The following GAB2 variants were observed in gnomAD, a reference collection of about 807,000 sequenced individuals.
The protein encoded by GAB2 is GRB2-associated-binding protein 2.
Under a neutral mutation model 65.5 loss-of-function variants are expected in GAB2, and 26 were observed. The observed-to-expected ratio is 0.40, with a 90% CI of 0.29 to 0.55. The LOEUF is 0.55. GAB2 is among the 20% of genes least tolerant of loss of function. The pLI is 0.53. For missense variants in GAB2, 884 were observed against 875.8 expected, an observed-to-expected ratio of 1.01 and a Z score of -0.12; for synonymous variants, 321 against 329.6, an observed-to-expected ratio of 0.97 and a Z score of 0.28.
At chr11:78,402,194 G>A (rs979597703) in intron 1 of GAB2, among the ~76,000 whole-genome samples, 3 of 152,122 alleles carry the variant, frequency 2.0e-5, no homozygotes, top group Admixed American at 6.5e-5. Flanking sequence ...CACTGTGTAT[G>A]TCCTTGCCAC....
intron 3 of GAB2, among the ~76,000 whole-genome samples, chr11:78,244,285 A>C (rs114538070): frequency 0.011 from 1,706 of 152,162 alleles, 30 homozygotes; most frequent in African/African-American, 0.032. Flanking sequence ...CCAGCTGCTC[A>C]AAAGGCTAAG....
intron 1 of GAB2, 40 bp downstream of exon 1, chr11:78,417,606 C>T: frequency 1.7e-6 from 2 of 1,164,952 alleles, no homozygotes; most frequent in Non-Finnish European, 1.1e-6. Context: ...GGCCCCGGAG[C>T]GCCCCCCGCC....
intron 1 of GAB2, among the ~76,000 whole-genome samples, chr11:78,333,439 C>T (rs1340679172): frequency 2.0e-5 from 3 of 152,006 alleles, no homozygotes; most frequent in Non-Finnish European, 4.4e-5. Flanking sequence ...AATTTTTAAA[C>T]AATTTTTATA....
intron 3 of GAB2, among the ~76,000 whole-genome samples, chr11:78,232,832 G>T (rs773977491): frequency 5.9e-5 from 9 of 152,136 alleles, no homozygotes; most frequent in Non-Finnish European, 1.3e-4. Flanking sequence ...GAGGCAGGAT[G>T]AATGGGCTGA....
intron 1 of GAB2, among the ~76,000 whole-genome samples, chr11:78,360,439 A>T (rs1329063824): frequency 6.6e-6 from 1 of 152,020 alleles, no homozygotes; most frequent in Non-Finnish European, 1.5e-5. Context: ...GAAAAAAGAA[A>T]CTAATACAGA....
chr11:78,243,085 C>T (rs1007096555), intron 3 of GAB2, among the ~76,000 whole-genome samples: 2 of 151,652 alleles, frequency 1.3e-5, no homozygotes, highest in African/African-American at 4.9e-5. Flanking sequence ...TCGCTGGAAC[C>T]TGGGAGGCGG....
At chr11:78,223,242 G>A (rs184009297) in intron 6 of GAB2, among the ~76,000 whole-genome samples, 170 bp downstream of exon 6, 5 of 152,236 alleles carry the variant, frequency 3.3e-5, no homozygotes, top group African/African-American at 1.2e-4. Flanking sequence ...GCAAACCTGG[G>A]AGGTAGGAAT....
chr11:78,286,172 A>G (rs1362983249), intron 1 of GAB2, among the ~76,000 whole-genome samples: 1 of 152,228 alleles, frequency 6.6e-6, no homozygotes, highest in Admixed American at 6.5e-5. Flanking sequence ...CAGGAGCACT[A>G]AAAATTACCT....
intron 2 of GAB2, among the ~76,000 whole-genome samples, chr11:78,265,606 A>G (rs2134553925): frequency 6.6e-6 from 1 of 152,250 alleles, no homozygotes; most frequent in South Asian, 2.1e-4. Flanking sequence ...CAAATGGTAG[A>G]TGTGTAAAAT....
At chr11:78,377,715 T>C (rs928186272) in intron 1 of GAB2, among the ~76,000 whole-genome samples, 5 of 152,190 alleles carry the variant, frequency 3.3e-5, no homozygotes, top group African/African-American at 9.6e-5. Flanking sequence ...CGCACAGTAT[T>C]GTAGCAAAGA....
intron 2 of GAB2, among the ~76,000 whole-genome samples, chr11:78,270,955 G>C (rs555108600): frequency 2.1e-4 from 32 of 152,246 alleles, no homozygotes; most frequent in Admixed American, 2.1e-3. Context: ...TGAGACTCAA[G>C]TGCAGCTAGC....
At chr11:78,278,467 G>A (rs2134581075) in intron 2 of GAB2, among the ~76,000 whole-genome samples, 1 of 149,408 alleles carries the variant, frequency 6.7e-6, no homozygotes, top group Non-Finnish European at 1.5e-5. Context: ...TGCAACCTCT[G>A]CCTCCTGAGT....
intron 1 of GAB2, among the ~76,000 whole-genome samples, chr11:78,313,831 C>A (rs1855547502): frequency 6.6e-6 from 1 of 152,162 alleles, no homozygotes; most frequent in Non-Finnish European, 1.5e-5. Context: ...TGCCCTGGGG[C>A]CTCTACAAAT....
At chr11:78,351,639 T>C (rs1449367252) in intron 1 of GAB2, among the ~76,000 whole-genome samples, 2 of 152,132 alleles carry the variant, frequency 1.3e-5, no homozygotes, top group Admixed American at 6.5e-5. Flanking sequence ...TAGTCTCACA[T>C]TGTACATTTT....
chr11:78,410,458 C>T (rs959087943), intron 1 of GAB2, among the ~76,000 whole-genome samples: 3 of 152,160 alleles, frequency 2.0e-5, no homozygotes, highest in Non-Finnish European at 2.9e-5. Flanking sequence ...GAGCTGAGAT[C>T]GTGCCATTGC....
At chr11:78,252,782 G>A (rs940383984) in intron 2 of GAB2, among the ~76,000 whole-genome samples, 4 of 151,938 alleles carry the variant, frequency 2.6e-5, no homozygotes, top group Non-Finnish European at 2.9e-5. Context: ...CCCTTCAGAC[G>A]TCCCACTAGT....
At chr11:78,222,259 A>G in intron 6 of GAB2, 64 bp from the exon 7 acceptor site, 2 of 998,316 alleles carry the variant, frequency 2.0e-6, no homozygotes, top group Non-Finnish European at 3.2e-6. Flanking sequence ...TACACACCTT[A>G]TATATAACAC....
At chr11:78,325,071 G>A (rs138539703) in intron 1 of GAB2, among the ~76,000 whole-genome samples, 10 of 152,284 alleles carry the variant, frequency 6.6e-5, no homozygotes, top group African/African-American at 2.4e-4. Flanking sequence ...CTGAGAACTT[G>A]TCATTAAATA....
At chr11:78,224,563 A>T (rs1864565909) in intron 5 of GAB2, among the ~76,000 whole-genome samples, 1 of 152,130 alleles carries the variant, frequency 6.6e-6, no homozygotes, top group South Asian at 2.1e-4. Context: ...CGTGACATAC[A>T]ACTAAGCTGC....
Sources: gnomAD v4.1 joint callset for allele counts (sites outside exome capture counted in the v4.1 genomes callset) on GRCh38, gnomAD v4.1.1 for gene constraint, MANE v1.5 for transcripts, NCBI Gene and HGNC (gene_info 2026-07-23, HGNC 2026-07-21) for gene names.